ADCY2: variants seen among roughly 807,000 people sequenced by gnomAD.
The protein encoded by ADCY2 is adenylate cyclase type 2.
Under a neutral mutation model 125.2 loss-of-function variants are expected in ADCY2, and 31 were observed. That is an observed-to-expected ratio of 0.25 (90% CI 0.19 to 0.33). The LOEUF is 0.33. Among genes scored for constraint, ADCY2 ranks in the 10% least tolerant of loss-of-function variants. ADCY2 has a pLI of 1.00. For missense variants in ADCY2, 904 were observed against 1,418.2 expected, an observed-to-expected ratio of 0.64 and a Z score of 5.82; for synonymous variants, 512 against 548.4, an observed-to-expected ratio of 0.93 and a Z score of 0.93.
chr5:7,430,348 G>A (rs1020409486), intron 2 of ADCY2, among the ~76,000 whole-genome samples: 11 of 151,854 alleles, frequency 7.2e-5, no homozygotes, highest in African/African-American at 2.7e-4. Context: ...CCCAACTCAT[G>A]TCATGGGGCC....
intron 3 of ADCY2, among the ~76,000 whole-genome samples, chr5:7,602,208 G>A (rs1487040437): frequency 6.6e-6 from 1 of 152,178 alleles, no homozygotes; most frequent in East Asian, 1.9e-4. Flanking sequence ...ACATTCACAG[G>A]TTCCAAGTGG....
At chr5:7,757,687 G>A (rs1310274783) in intron 16 of ADCY2, 101 bp downstream of exon 16, 3 of 1,495,302 alleles carry the variant, frequency 2.0e-6, no homozygotes, top group Non-Finnish European at 2.7e-6. Context: ...AACATGGTAA[G>A]CCCCACACCA....
At chr5:7,456,867 C>A (rs1361882592) in intron 2 of ADCY2, among the ~76,000 whole-genome samples, 1 of 152,112 alleles carries the variant, frequency 6.6e-6, no homozygotes, top group Non-Finnish European at 1.5e-5. Flanking sequence ...GTTTATTCTT[C>A]TAGTTTTATA....
At chr5:7,599,907 G>A (rs1419484347) in intron 3 of ADCY2, among the ~76,000 whole-genome samples, 1 of 152,190 alleles carries the variant, frequency 6.6e-6, no homozygotes, top group African/African-American at 2.4e-5. Context: ...AATTGGAAAG[G>A]TTGTCATTGA....
intron 4 of ADCY2, among the ~76,000 whole-genome samples, chr5:7,665,828 CTTTTTTTTTTTTTT>C (rs70940750): frequency 1.8e-4 from 7 of 38,632 alleles, no homozygotes; most frequent in African/African-American, 3.1e-4. Flanking sequence ...TAATTTAATT[CTTTTTTTTTTTTTT>C]TTTTTTTTTT....
chr5:7,787,643 G>T (rs1170479779), intron 19 of ADCY2, among the ~76,000 whole-genome samples: 1 of 151,428 alleles, frequency 6.6e-6, no homozygotes, highest in Non-Finnish European at 1.5e-5. Context: ...GGTGATAGAT[G>T]ATTGATAGAT....
chr5:7,492,870 C>A (rs189971473), intron 2 of ADCY2, among the ~76,000 whole-genome samples: 2 of 152,222 alleles, frequency 1.3e-5, no homozygotes, highest in Non-Finnish European at 2.9e-5. Context: ...GGCTCTTCCA[C>A]CTGCATTCAG....
chr5:7,445,503 C>T (rs777224250), intron 2 of ADCY2, among the ~76,000 whole-genome samples: 3 of 152,232 alleles, frequency 2.0e-5, no homozygotes, highest in African/African-American at 4.8e-5. Context: ...GGACTTCCTA[C>T]CCTCAGAAAA....
At chr5:7,695,931 C>A in intron 6 of ADCY2, 68 bp downstream of exon 6, 1 of 1,018,650 alleles carries the variant, frequency 9.8e-7, no homozygotes. Context: ...TCTTCATCCA[C>A]CTATCAATAG....
In ADCY2 at chr5:7,450,711, G is replaced by T. The variant is rs183875258; in HGVS notation, c.408+35941G>T. Among the ~76,000 whole-genome samples the T allele has an allele frequency of 3.7e-4, 57 of 152,214 alleles. 1 individual carries two copies. Among genetic ancestry groups the T allele is most frequent in the Non-Finnish European group, 6.3e-4 (43 of 67,996 alleles). On this transcript the variant is annotated intron_variant, in intron 2 of 24. Coordinates refer to ENST00000338316, the MANE Select transcript of ADCY2 (RefSeq NM_020546.3). Reference sequence around the variant, plus strand: ...AGAGAAGTCAATGCTTGGCTTCAAAGGTTCAAAGGCTAAATCTCTTATTAG... The same window carrying T: ...AGAGAAGTCAATGCTTGGCTTCAAATGTTCAAAGGCTAAATCTCTTATTAG...
chr5:7,441,059 C>T (rs1740994797), intron 2 of ADCY2, among the ~76,000 whole-genome samples: 1 of 152,060 alleles, frequency 6.6e-6, no homozygotes, highest in Non-Finnish European at 1.5e-5. Flanking sequence ...AGGCTACAGT[C>T]AGGGTGTAGA....
chr5:7,469,830 A>G (rs543926988), intron 2 of ADCY2, among the ~76,000 whole-genome samples: 1 of 151,896 alleles, frequency 6.6e-6, no homozygotes, highest in African/African-American at 2.4e-5. Context: ...CTTCCTATAT[A>G]AGAACACAGT....
At chr5:7,769,064 C>A (rs1165837755) in intron 17 of ADCY2, among the ~76,000 whole-genome samples, 1 of 152,166 alleles carries the variant, frequency 6.6e-6, no homozygotes, top group Non-Finnish European at 1.5e-5. Flanking sequence ...GAGAAGCATG[C>A]CCAGTTCACT....
At chr5:7,723,278 C>G (rs1211305023) in intron 12 of ADCY2, among the ~76,000 whole-genome samples, 1 of 152,140 alleles carries the variant, frequency 6.6e-6, no homozygotes, top group Non-Finnish European at 1.5e-5. Flanking sequence ...CAATCCTGCA[C>G]TAAATAAAAA....
intron 7 of ADCY2, among the ~76,000 whole-genome samples, chr5:7,700,397 A>G (rs551340219): frequency 7.2e-5 from 11 of 152,236 alleles, no homozygotes; most frequent in Admixed American, 4.6e-4. Context: ...GAATATTCTT[A>G]TAAATAATAA....
Position 7,595,634 on chromosome 5 carries a change from A to G in ADCY2, c.571-30533A>G, listed in dbSNP as rs13354956. On this transcript the variant is annotated intron_variant, in intron 3 of 24. Coordinates refer to ENST00000338316, the MANE Select transcript of ADCY2 (RefSeq NM_020546.3). ...ATTACAAGTGACTTAATTTGTAAAT[A>G]TAATCATCTCTTAGTAGCCAAAGGA... Among the ~76,000 whole-genome samples the G allele has an allele frequency of 2.6e-5, 4 of 152,308 alleles. No individual in the cohort carries two copies. The South Asian group carries it at 8.3e-4, about 32-fold the overall frequency.
chr5:7,623,637 A>G lies in ADCY2; in HGVS notation c.571-2530A>G, dbSNP rs868041354. Among the ~76,000 whole-genome samples the G allele has an allele frequency of 6.6e-5, 10 of 152,306 alleles. No individual in the cohort carries two copies. The Middle Eastern group carries it at 0.01, about 155-fold the overall frequency. On this transcript the variant is annotated intron_variant, in intron 3 of 24. Transcript: ENST00000338316. ...AAAGGTGATGCATCAAAGTATGGCA[A>G]TAAGAAGGAAGAGAGCCCTGTGATG...
chr5:7,697,402 CG>C (rs1297493048), intron 6 of ADCY2, among the ~76,000 whole-genome samples: 1 of 152,004 alleles, frequency 6.6e-6, no homozygotes, highest in Non-Finnish European at 1.5e-5. Flanking sequence ...AGTTCAATAA[CG>C]GGGGGTTATT....
intron 3 of ADCY2, among the ~76,000 whole-genome samples, chr5:7,578,570 A>G (rs1736327037): frequency 6.6e-6 from 1 of 152,138 alleles, no homozygotes; most frequent in African/African-American, 2.4e-5. Flanking sequence ...TTTTTTTGCA[A>G]TAAATTTTCT....
Sources: allele counts gnomAD v4.1 joint callset (sites outside exome capture counted in the v4.1 genomes callset), GRCh38; gene constraint gnomAD v4.1.1; transcripts MANE v1.5; gene names NCBI Gene and HGNC (gene_info 2026-07-23, HGNC 2026-07-21).